TTC27: variants seen among roughly 807,000 people sequenced by gnomAD.
TTC27 encodes the protein tetratricopeptide repeat protein 27.
TTC27 carries 79 observed loss-of-function variants against 115.9 expected under a neutral mutation model. The observed-to-expected ratio is 0.68, with a 90% CI of 0.57 to 0.82. TTC27 has a LOEUF of 0.82. TTC27 is among the 40% of genes least tolerant of loss of function. The probability of loss-of-function intolerance (pLI) is 0.00; values close to 1 mark genes in which losing one functional copy is unlikely to be tolerated. For synonymous variants in TTC27, 401 were observed against 356.0 expected (o/e 1.13, Z -1.42); for missense variants, 1,054 against 993.1 (o/e 1.06, Z -0.82).
Position 32,640,392 on chromosome 2 carries a change from T to C in TTC27, c.519T>C (p.His173=), listed in dbSNP as rs769415165. The C allele has an allele frequency of 5.6e-6, 9 of 1,613,672 alleles. No homozygotes were observed. The South Asian group carries it at 9.9e-5, about 18-fold the overall frequency. Residue 173 remains histidine (H), a synonymous_variant, in exon 4 of 20, where the codon CAT becomes CAC. Coordinates refer to ENST00000317907, the MANE Select transcript of TTC27 (RefSeq NM_017735.5). ...LARIILVNVR[H]KLTAIQSLPW... Reference sequence around the variant, plus strand: ...GCATTATCCTAGTGAATGTAAGACATAAACTGACAGCTATTCAGGTAAGGA... The same window carrying C: ...GCATTATCCTAGTGAATGTAAGACACAAACTGACAGCTATTCAGGTAAGGA...
intron 13 of TTC27, among the ~76,000 whole-genome samples, chr2:32,776,223 A>G (rs1669993337): frequency 1.3e-5 from 2 of 152,166 alleles, no homozygotes; most frequent in African/African-American, 4.8e-5. Context: ...AAAGCGTTAA[A>G]TGGCCCAAGT....
intron 5 of TTC27, among the ~76,000 whole-genome samples, chr2:32,652,091 G>T (rs914851250): frequency 6.6e-6 from 1 of 151,896 alleles, no homozygotes; most frequent in African/African-American, 2.4e-5. Context: ...GGTAGGAGCC[G>T]GGCCAGGCGC....
intron 9 of TTC27, among the ~76,000 whole-genome samples, chr2:32,682,844 G>GTTTTTTTTTTTTTTTTTTTTTTT (rs142030247): frequency 7.0e-5 from 4 of 56,978 alleles, no homozygotes; most frequent in Middle Eastern, 0.02. Flanking sequence ...AATTTTTATT[G>GTTTTTTTTTTTTTTTTTTTTTTT]TTGTTTTTTT....
intron 4 of TTC27, among the ~76,000 whole-genome samples, chr2:32,644,541 G>A (rs1664776415): frequency 6.6e-6 from 1 of 152,058 alleles, no homozygotes; most frequent in Non-Finnish European, 1.5e-5. Context: ...CTGTTTTCCT[G>A]TAGTATATTA....
intron 19 of TTC27, among the ~76,000 whole-genome samples, chr2:32,818,114 C>T: frequency 6.6e-6 from 1 of 151,706 alleles, no homozygotes. Flanking sequence ...TAATGCTTTC[C>T]TTAAATTAAA....
intron 5 of TTC27, among the ~76,000 whole-genome samples, chr2:32,661,954 T>G (rs921952601): frequency 6.6e-6 from 1 of 152,138 alleles, no homozygotes; most frequent in African/African-American, 2.4e-5. Context: ...CAATACCTAG[T>G]TTATTGAGAG....
intron 9 of TTC27, among the ~76,000 whole-genome samples, chr2:32,699,365 A>T (rs1357828171): frequency 6.6e-6 from 1 of 152,206 alleles, no homozygotes; most frequent in East Asian, 1.9e-4. Flanking sequence ...TGGAATTAAG[A>T]GCAGTAACCC....
Position 32,630,621 on chromosome 2 carries a change from G to C in TTC27, c.187G>C (p.Glu63Gln). Residue 63 changes from glutamate to glutamine, a missense_variant, in exon 2 of 20, where the codon GAA becomes CAA. Transcript: ENST00000317907. Reference sequence around the variant, plus strand: ...TATTTTTAATTCAACAACAACCGCTGAAGAAAAGATTGATAGCTACCTGGA... The same window carrying C: ...TATTTTTAATTCAACAACAACCGCTCAAGAAAAGATTGATAGCTACCTGGA... ...QNIFNSTTTA[E>Q]EKIDSYLEKQ... The C allele has an allele frequency of 6.2e-7, 1 of 1,613,868 alleles. No individual in the cohort carries two copies. The highest frequency in any genetic ancestry group is 1.3e-5 in the African/African-American group (1 of 75,034).
At chr2:32,754,878 A>AC (rs1246449315) in intron 12 of TTC27, among the ~76,000 whole-genome samples, 88 of 136,448 alleles carry the variant, frequency 6.4e-4, no homozygotes, top group East Asian at 1.1e-3. Flanking sequence ...GGGGGGGCTG[A>AC]CCCCCCCCAC....
chr2:32,686,610 C>G (rs374813774), intron 9 of TTC27, among the ~76,000 whole-genome samples: 42 of 152,222 alleles, frequency 2.8e-4, no homozygotes, highest in African/African-American at 9.9e-4. Flanking sequence ...ATCCGCCCGC[C>G]TCAGCCTCCC....
At chr2:32,635,953 T>C (rs908622734) in intron 3 of TTC27, among the ~76,000 whole-genome samples, 3 of 152,158 alleles carry the variant, frequency 2.0e-5, no homozygotes, top group Non-Finnish European at 4.4e-5. Flanking sequence ...TGAAGGGAAT[T>C]TATAATTTAT....
At chr2:32,818,801 T>C (rs1227287438) in intron 19 of TTC27, among the ~76,000 whole-genome samples, 1 of 152,242 alleles carries the variant, frequency 6.6e-6, no homozygotes, top group Non-Finnish European at 1.5e-5. Context: ...TTTTACTCTG[T>C]AACCGCCTTT....
chr2:32,800,416 C>T (rs1394008982), intron 16 of TTC27, among the ~76,000 whole-genome samples: 1 of 152,272 alleles, frequency 6.6e-6, no homozygotes, highest in East Asian at 1.9e-4. Context: ...CTCCTGACCC[C>T]ATGATCTGCC....
chr2:32,650,855 G>T (rs1665094473), intron 5 of TTC27, among the ~76,000 whole-genome samples: 1 of 152,066 alleles, frequency 6.6e-6, no homozygotes, highest in Non-Finnish European at 1.5e-5. Context: ...ATAATTATAA[G>T]CCAAACATCC....
At chr2:32,763,649 A>G (rs1260895386) in intron 13 of TTC27, among the ~76,000 whole-genome samples, 1 of 152,258 alleles carries the variant, frequency 6.6e-6, no homozygotes, top group African/African-American at 2.4e-5. Flanking sequence ...GAGCTCCTAT[A>G]CGAAATAGAG....
At chr2:32,794,036 A>C (rs954408207) in intron 16 of TTC27, among the ~76,000 whole-genome samples, 2 of 152,172 alleles carry the variant, frequency 1.3e-5, no homozygotes, top group African/African-American at 4.8e-5. Flanking sequence ...TAATTTTGTG[A>C]CATCAACAAC....
At chr2:32,628,411 A>G (rs770002094) in intron 1 of TTC27, 31 bp downstream of exon 1, 1 of 1,535,206 alleles carries the variant, frequency 6.5e-7, no homozygotes, top group Non-Finnish European at 8.7e-7. Flanking sequence ...GCCTTAGGCT[A>G]TCGTGGGAAC....
Position 32,697,200 on chromosome 2 carries a change from A to AC in TTC27, c.1120-5607_1120-5606insC, listed in dbSNP as rs944744797. Among the ~76,000 whole-genome samples the AC allele has an allele frequency of 5.3e-5, 8 of 151,800 alleles. No homozygotes were observed. The South Asian group carries it at 8.3e-4, about 16-fold the overall frequency. ...GAGTGAGACCCTGTCTCAAAAAAAAAAAACAAACAAAAAGAAATAGTGGGT... is the reference window on the plus strand; with the variant it reads ...GAGTGAGACCCTGTCTCAAAAAAAAACAAACAAACAAAAAGAAATAGTGGGT... On this transcript the variant is annotated intron_variant, in intron 9 of 19. Coordinates refer to ENST00000317907, the MANE Select transcript of TTC27 (RefSeq NM_017735.5).
intron 13 of TTC27, among the ~76,000 whole-genome samples, chr2:32,760,600 G>A (rs1213345667): frequency 6.6e-6 from 1 of 152,034 alleles, no homozygotes; most frequent in Non-Finnish European, 1.5e-5. Flanking sequence ...GGAGGGGTTG[G>A]TTTTTGGTTT....
Sources: gnomAD v4.1 joint callset for allele counts (sites outside exome capture counted in the v4.1 genomes callset) on GRCh38, gnomAD v4.1.1 for gene constraint, MANE v1.5 for transcripts, NCBI Gene and HGNC (gene_info 2026-07-23, HGNC 2026-07-21) for gene names.